ATRNL1: variants seen among roughly 807,000 people sequenced by gnomAD.
ATRNL1 encodes attractin like 1.
Under a neutral mutation model 182.7 loss-of-function variants are expected in ATRNL1, and 95 were observed. The ratio of observed to expected loss-of-function variants is 0.52; its 90% CI spans 0.44 to 0.62. The LOEUF is 0.62. Ranked by LOEUF, ATRNL1 falls within the 20% of genes least tolerant of loss-of-function variation. ATRNL1 has a pLI of 0.00. For synonymous variants in ATRNL1, 576 were observed against 568.3 expected (o/e 1.01, Z -0.19); for missense variants, 1,471 against 1,679.5 (o/e 0.88, Z 2.17).
intron 28 of ATRNL1, among the ~76,000 whole-genome samples, chr10:115,944,403 T>A (rs1368477888): frequency 6.6e-6 from 1 of 152,032 alleles, no homozygotes; most frequent in African/African-American, 2.4e-5. Context: ...TGATCATTTG[T>A]CAAACACTGA....
rs1554916770 is a variant in ATRNL1, at chr10:115,281,421, A to C, written c.2167A>C (p.Lys723Gln). 1 of 1,613,654 alleles carries C rather than the reference A, an allele frequency of 6.2e-7. No homozygotes were observed. The highest frequency in any genetic ancestry group is 1.1e-5 in the South Asian group (1 of 91,060). Residue 723 changes from lysine to glutamine, a missense_variant, in exon 14 of 29, where the codon AAA becomes CAA. Physicochemically the swap from Lys to Gln is moderately conservative, Grantham distance 53. This residue lies in a region of ATRNL1 where 1,031 missense variants were observed against 1,156.0 expected (regional missense o/e 0.89). Transcript: ENST00000355044. ...GATTTGTAACAAACTTACCAGCTGT[A>C]AAAGCTGTTCACTAAACTTGAATTG... The part of the protein sequence containing the change: ...EQICNKLTSC[K>Q]SCSLNLNCQW...
chr10:115,275,836 A>T (rs1369030619), intron 13 of ATRNL1, among the ~76,000 whole-genome samples: 1 of 152,156 alleles, frequency 6.6e-6, no homozygotes, highest in Non-Finnish European at 1.5e-5. Context: ...AAGCCATTAA[A>T]TGTCTTCTAT....
At chr10:115,619,667 C>T (rs904705601) in intron 26 of ATRNL1, among the ~76,000 whole-genome samples, 5 of 152,200 alleles carry the variant, frequency 3.3e-5, no homozygotes, top group African/African-American at 4.8e-5. Flanking sequence ...TTTTCAGTAT[C>T]TTATCTCATT....
intron 13 of ATRNL1, among the ~76,000 whole-genome samples, chr10:115,276,174 T>G (rs1259951903): frequency 6.6e-6 from 1 of 152,144 alleles, no homozygotes; most frequent in Non-Finnish European, 1.5e-5. Context: ...AGGGGAGCTC[T>G]TGTGTCTTCA....
At chr10:115,166,087 ACCAAT>A (rs1463411886) in intron 7 of ATRNL1, among the ~76,000 whole-genome samples, 8 of 152,006 alleles carry the variant, frequency 5.3e-5, no homozygotes, top group African/African-American at 1.9e-4. Context: ...TCTTGAAACC[ACCAAT>A]CTACTTTTCT....
intron 14 of ATRNL1, 76 bp downstream of exon 14, chr10:115,281,563 G>A: frequency 7.2e-7 from 1 of 1,380,588 alleles, no homozygotes; most frequent in Non-Finnish European, 1.0e-6. Context: ...CATTTAGTAA[G>A]GACACTACAT....
chr10:115,697,516 A>G (rs1197436982), intron 26 of ATRNL1, among the ~76,000 whole-genome samples: 1 of 151,932 alleles, frequency 6.6e-6, no homozygotes, highest in Non-Finnish European at 1.5e-5. Context: ...TGTAAAGACA[A>G]GTTTTCACCA....
chr10:115,911,152 C>G (rs1952665422), intron 28 of ATRNL1, among the ~76,000 whole-genome samples: 1 of 151,898 alleles, frequency 6.6e-6, no homozygotes, highest in Admixed American at 6.6e-5. Context: ...GCAGGCACCA[C>G]CGTGCTCAGC....
At chr10:115,928,760 G>C (rs1210721458) in intron 28 of ATRNL1, among the ~76,000 whole-genome samples, 1 of 151,930 alleles carries the variant, frequency 6.6e-6, no homozygotes, top group African/African-American at 2.4e-5. Flanking sequence ...AAGAGTACCA[G>C]TATACATATG....
chr10:115,564,381 C>T (rs1201342562), intron 26 of ATRNL1, among the ~76,000 whole-genome samples: 1 of 151,860 alleles, frequency 6.6e-6, no homozygotes, highest in Non-Finnish European at 1.5e-5. Context: ...TTCCCACAGC[C>T]CATTCAAACT....
chr10:115,762,417 T>G (rs1555073848), intron 27 of ATRNL1, among the ~76,000 whole-genome samples: 1 of 152,112 alleles, frequency 6.6e-6, no homozygotes, highest in East Asian at 1.9e-4. Flanking sequence ...ATCTAGTACA[T>G]CCTAGAAAAT....
chr10:115,351,166 A>G (rs1295652170), intron 19 of ATRNL1, among the ~76,000 whole-genome samples: 4 of 152,046 alleles, frequency 2.6e-5, no homozygotes, highest in African/African-American at 7.2e-5. Flanking sequence ...AGGTTTTTTG[A>G]AGTATAAGAT....
chr10:115,617,674 AT>A (rs1857511146), intron 26 of ATRNL1, among the ~76,000 whole-genome samples: 1 of 152,100 alleles, frequency 6.6e-6, no homozygotes, highest in Non-Finnish European at 1.5e-5. Context: ...CTTTGTTTTT[AT>A]TTTACACACT....
intron 28 of ATRNL1, among the ~76,000 whole-genome samples, chr10:115,880,973 G>C (rs1296149315): frequency 6.6e-6 from 1 of 152,136 alleles, no homozygotes; most frequent in Non-Finnish European, 1.5e-5. Context: ...CATTCTGTGA[G>C]TGTCTGAATG....
intron 27 of ATRNL1, among the ~76,000 whole-genome samples, chr10:115,797,591 A>C (rs1316345520): frequency 8.3e-6 from 1 of 121,032 alleles, no homozygotes; most frequent in Non-Finnish European, 1.9e-5. Context: ...TGTCAGCAGA[A>C]GACTCAGTTA....
intron 27 of ATRNL1, among the ~76,000 whole-genome samples, chr10:115,730,124 G>C (rs113286197): frequency 0.045 from 6,794 of 151,728 alleles, 186 homozygotes; most frequent in Middle Eastern, 0.085. Flanking sequence ...GGGCATGGTG[G>C]TGCACGCCTG....
chr10:115,127,935 A>G (rs921229473), intron 4 of ATRNL1, among the ~76,000 whole-genome samples: 1 of 152,194 alleles, frequency 6.6e-6, no homozygotes, highest in Non-Finnish European at 1.5e-5. Context: ...GTTGAAAATT[A>G]ATTATGAAAT....
intron 15 of ATRNL1, among the ~76,000 whole-genome samples, chr10:115,292,470 C>T (rs1360423333): frequency 6.7e-6 from 1 of 149,752 alleles, no homozygotes; most frequent in Non-Finnish European, 1.5e-5. Flanking sequence ...TGAAATCATT[C>T]TGTTTGTTTT....
At chr10:115,598,668 A>G (rs1293277820) in intron 26 of ATRNL1, among the ~76,000 whole-genome samples, 1 of 152,136 alleles carries the variant, frequency 6.6e-6, no homozygotes, top group Admixed American at 6.5e-5. Flanking sequence ...TTCCTATTAT[A>G]ATAAATAACA....
Sources: gnomAD v4.1 joint callset for allele counts (sites outside exome capture counted in the v4.1 genomes callset) on GRCh38, gnomAD v4.1.1 for gene constraint, gnomAD v4.1.1 regional missense constraint, MANE v1.5 for transcripts, NCBI Gene and HGNC (gene_info 2026-07-23, HGNC 2026-07-21) for gene names.